CDH7: variants seen among roughly 807,000 people sequenced by gnomAD.
CDH7 encodes cadherin 7.
A neutral mutation model predicts 71.8 loss-of-function variants in CDH7; 25 were observed. That is an observed-to-expected ratio of 0.35 (90% CI 0.25 to 0.49). CDH7 has a LOEUF of 0.49. Among genes scored for constraint, CDH7 ranks in the 20% least tolerant of loss-of-function variants. CDH7 has a pLI of 0.99. For synonymous variants in CDH7, 381 were observed against 363.8 expected (o/e 1.05, Z -0.54); for missense variants, 862 against 974.6 (o/e 0.88, Z 1.54).
intron 4 of CDH7, among the ~76,000 whole-genome samples, chr18:65,819,611 G>C (rs927966987): frequency 1.3e-5 from 2 of 152,124 alleles, no homozygotes; most frequent in African/African-American, 4.8e-5. Context: ...GGCTGTAATG[G>C]AGAGAGTGAG....
At chr18:65,870,915 G>A (rs985641661) in intron 11 of CDH7, among the ~76,000 whole-genome samples, 1 of 152,120 alleles carries the variant, frequency 6.6e-6, no homozygotes, top group African/African-American at 2.4e-5. Flanking sequence ...CACATATAGA[G>A]ACAATATTTT....
At chr18:65,830,546 C>G (rs964726564) in intron 6 of CDH7, among the ~76,000 whole-genome samples, 2 of 149,642 alleles carry the variant, frequency 1.3e-5, no homozygotes, top group African/African-American at 4.9e-5. Context: ...TCCTCCCTTC[C>G]TTCCTTCTTT....
intron 7 of CDH7, among the ~76,000 whole-genome samples, chr18:65,853,333 C>T (rs1381806950): frequency 6.6e-6 from 1 of 152,180 alleles, no homozygotes; most frequent in African/African-American, 2.4e-5. Flanking sequence ...CCAGTCAATC[C>T]ACAACATCAA....
At chr18:65,800,649 ATAG>A (rs1911088624) in intron 2 of CDH7, among the ~76,000 whole-genome samples, 1 of 152,196 alleles carries the variant, frequency 6.6e-6, no homozygotes, top group Admixed American at 6.5e-5. Flanking sequence ...GATTAGCAAA[ATAG>A]TAGGAGAAGA....
At chr18:65,842,732 T>C (rs1179885158) in intron 6 of CDH7, among the ~76,000 whole-genome samples, 1 of 151,986 alleles carries the variant, frequency 6.6e-6, no homozygotes, top group Non-Finnish European at 1.5e-5. Flanking sequence ...AAACATACAG[T>C]GAATGAATCT....
intron 11 of CDH7, among the ~76,000 whole-genome samples, chr18:65,868,930 C>A (rs572151638): frequency 7.9e-5 from 12 of 152,204 alleles, no homozygotes; most frequent in African/African-American, 2.9e-4. Flanking sequence ...CCCCTTTAAG[C>A]ATATATGATC....
chr18:65,778,298 A>T lies in CDH7; in HGVS notation c.210+15246A>T, dbSNP rs1598996770. Among the ~76,000 whole-genome samples, 6 of 138,074 alleles carry T rather than the reference A, an allele frequency of 4.3e-5. No homozygotes were observed. In the South Asian group the frequency reaches 9.4e-4, roughly 22 times the overall value. 90.6% of individuals were successfully genotyped at this position (138,074 alleles called of 152,430 possible). A position where few individuals can be genotyped will look rare whatever the true frequency, so the allele number is the denominator to read the frequency against. On this transcript the variant is annotated intron_variant, in intron 2 of 11. Transcript: ENST00000397968. The stretch of plus-strand genomic sequence containing the variant: ...AAAAAAAAAAAAAAAAAAAAAAAAA[A>T]AAACCTAGTGCCATGCTGACTCAAA...
chr18:65,818,409 C>T (rs1911798570), intron 4 of CDH7, among the ~76,000 whole-genome samples: 1 of 152,112 alleles, frequency 6.6e-6, no homozygotes, highest in African/African-American at 2.4e-5. Context: ...CATTGTTATC[C>T]AGTCAGAATG....
In CDH7 at chr18:65,814,481, C is replaced by G; in HGVS notation, c.506-4C>G. ...AATTCAGTGGTTTTGGGATTGGCAT[C>G]TAGGGACCTCAGTGGTACAAGTGAC... is the stretch of plus-strand genomic sequence containing the variant. On this transcript the variant is annotated splice_polypyrimidine_tract_variant and splice_region_variant and intron_variant, in intron 3 of 11. Coordinates refer to ENST00000397968, the MANE Select transcript of CDH7 (RefSeq NM_004361.5). 20 of 1,613,808 alleles carry G rather than the reference C, an allele frequency of 1.2e-5. No homozygotes were observed. Among genetic ancestry groups the G allele is most frequent in the Non-Finnish European group, 1.7e-5 (20 of 1,179,874 alleles).
At position 65,781,922 on chromosome 18, in the gene CDH7, T is replaced by TTC. The variant is rs371567785; in HGVS notation, c.210+18892_210+18893dup. On this transcript the variant is annotated intron_variant, in intron 2 of 11. Coordinates refer to ENST00000397968, the MANE Select transcript of CDH7 (RefSeq NM_004361.5). ...TCTCTATCTTTCTCTCTTTCTCTCT[T>TTC]TCTCTCTCTCTCTCTCTCTCTCTTT... is the stretch of plus-strand genomic sequence containing the variant. Among the ~76,000 whole-genome samples, 82 of 40,638 alleles carry TTC rather than the reference T, an allele frequency of 2.0e-3. 6 individuals carry two copies. Among genetic ancestry groups the TTC allele is most frequent in the South Asian group, 7.2e-3 (7 of 968 alleles). The allele number at this position is 40,638 out of a possible 152,430, so 26.7% of individuals were successfully genotyped here. A position where few individuals can be genotyped will look rare whatever the true frequency, so the allele number is the denominator to read the frequency against.
chr18:65,760,916 C>A (rs7243232), intron 1 of CDH7, among the ~76,000 whole-genome samples: 10 of 152,100 alleles, frequency 6.6e-5, no homozygotes, highest in African/African-American at 2.2e-4. Context: ...TTAGTCAGAC[C>A]TACCTACAAT....
At chr18:65,814,349 A>AT in intron 3 of CDH7, 136 bp from the exon 4 acceptor site, 2 of 925,022 alleles carry the variant, frequency 2.2e-6, no homozygotes, top group Non-Finnish European at 3.4e-6. Flanking sequence ...TACTGTATCC[A>AT]TTTTTTTATG....
At chr18:65,802,327 T>G (rs1299320940) in intron 2 of CDH7, among the ~76,000 whole-genome samples, 1 of 152,216 alleles carries the variant, frequency 6.6e-6, no homozygotes, top group African/African-American at 2.4e-5. Context: ...CAGTTCCCAT[T>G]ATTTTCATTA....
intron 2 of CDH7, among the ~76,000 whole-genome samples, chr18:65,784,561 T>A (rs1910443997): frequency 6.6e-6 from 1 of 152,208 alleles, no homozygotes; most frequent in Non-Finnish European, 1.5e-5. Flanking sequence ...GGTGTTGGAC[T>A]GCAGTTAAAA....
At chr18:65,756,219 A>AT (rs1242074707) in intron 1 of CDH7, among the ~76,000 whole-genome samples, 1 of 152,010 alleles carries the variant, frequency 6.6e-6, no homozygotes. Flanking sequence ...GCTCAACAAT[A>AT]TTTTTTCTAT....
At chr18:65,854,859 G>C (rs1239242386) in intron 7 of CDH7, among the ~76,000 whole-genome samples, 1 of 151,514 alleles carries the variant, frequency 6.6e-6, no homozygotes, top group South Asian at 2.1e-4. Context: ...TTACATAGAA[G>C]TGTATTTTAT....
intron 2 of CDH7, among the ~76,000 whole-genome samples, chr18:65,765,220 T>G (rs2143793843): frequency 6.6e-6 from 1 of 152,128 alleles, no homozygotes; most frequent in Non-Finnish European, 1.5e-5. Flanking sequence ...TAACATAATT[T>G]GAGATGGAAG....
At chr18:65,784,079 G>A (rs1910418104) in intron 2 of CDH7, among the ~76,000 whole-genome samples, 1 of 149,262 alleles carries the variant, frequency 6.7e-6, no homozygotes, top group Non-Finnish European at 1.5e-5. Flanking sequence ...AGCTGCTTGA[G>A]TAGCTGGGAA....
intron 11 of CDH7, among the ~76,000 whole-genome samples, chr18:65,864,822 C>T (rs190652703): frequency 2.2e-5 from 3 of 139,516 alleles, no homozygotes; most frequent in Non-Finnish European, 4.5e-5. Flanking sequence ...ACCCAGGAGG[C>T]GGAGCTGGCA....
Sources: gnomAD v4.1 joint callset for allele counts (sites outside exome capture counted in the v4.1 genomes callset) on GRCh38, gnomAD v4.1.1 for gene constraint, MANE v1.5 for transcripts, NCBI Gene and HGNC (gene_info 2026-07-23, HGNC 2026-07-21) for gene names.